TP53I13: variants seen among roughly 807,000 people sequenced by gnomAD.
TP53I13 encodes the protein tumor protein p53 inducible protein 13, also known as tumor protein p53-inducible protein 13.
In TP53I13, 27 loss-of-function variants were observed where a neutral mutation model predicts 39.1. The observed-to-expected ratio is 0.69, with a 90% CI of 0.51 to 0.95. TP53I13 has a LOEUF of 0.95. Ranked by LOEUF, TP53I13 falls within the 40% of genes least tolerant of loss-of-function variation. The probability of loss-of-function intolerance (pLI) is 0.00; values close to 1 mark genes in which losing one functional copy is unlikely to be tolerated. For synonymous variants in TP53I13, 230 were observed against 224.6 expected (o/e 1.02, Z -0.22); for missense variants, 544 against 520.4 (o/e 1.05, Z -0.44).
chr17:29,578,326 C>T, the TP53I13 span: 1 of 1,614,054 alleles, frequency 6.2e-7, no homozygotes, highest in Non-Finnish European at 8.5e-7. Context: ...CGATCCACCT[C>T]GTCATACACG....
In TP53I13 at chr17:29,572,131, C is replaced by T. The variant is rs1384575494; in HGVS notation, c.514-11C>T. On this transcript the variant is annotated splice_polypyrimidine_tract_variant and intron_variant, in intron 5 of 6. Coordinates refer to ENST00000301057, the MANE Select transcript of TP53I13 (RefSeq NM_138349.4). ...GGGCAGCAGGGTGATTGCTCTCTCT[C>T]CTCTCCTTAGGCCCTGGCTCTGGCC... 2.5e-6 allele frequency: 4 copies of T among 1,609,560 alleles called. No individual in the cohort carries two copies. Among genetic ancestry groups the T allele is most frequent in the Admixed American group, 1.7e-5 (1 of 59,948 alleles).
At chr17:29,568,695 G>C (rs1043992775), upstream of TP53I13, 8 of 1,132,624 alleles carry the variant, frequency 7.1e-6, no homozygotes, top group Middle Eastern at 1.9e-3. This position sits in a 1 kb window ranked among gnomAD's most constrained non-coding sequence, Gnocchi z 4.5. Flanking sequence ...TGGAGGGGCG[G>C]GGCGCGCGCG....
At chr17:29,579,172 C>T in the TP53I13 span, 1 of 611,376 alleles carries the variant, frequency 1.6e-6, no homozygotes, top group African/African-American at 1.8e-5. Context: ...CTTGCTCTTC[C>T]TCTCAGTGAC....
At chr17:29,578,703 T>C in the TP53I13 span, 1 of 1,600,778 alleles carries the variant, frequency 6.2e-7, no homozygotes, top group Non-Finnish European at 8.6e-7. Context: ...CAGCTTCAAG[T>C]GTCAGGGCAC....
chr17:29,577,999 C>T (rs903332484), downstream of TP53I13, among the ~76,000 whole-genome samples: 1 of 152,210 alleles, frequency 6.6e-6, no homozygotes, highest in African/African-American at 2.4e-5. Context: ...CCGGCTGTGG[C>T]CAGGAAGGAG....
At chr17:29,566,911 C>T, upstream of TP53I13, 1 of 1,488,108 alleles carries the variant, frequency 6.7e-7, no homozygotes, top group Middle Eastern at 2.3e-4. Context: ...GCCGAGCAGG[C>T]CGAGAAGGGC....
chr17:29,577,891 T>G (rs1408386127), downstream of TP53I13: 4 of 634,374 alleles, frequency 6.3e-6, no homozygotes, highest in Non-Finnish European at 1.1e-5. Flanking sequence ...CACGCAGAGC[T>G]AGGCCGGGCC....
At chr17:29,570,652 G>A (rs1438020781) in intron 3 of TP53I13, 2 of 151,728 alleles carry the variant, frequency 1.3e-5, no homozygotes, top group East Asian at 1.9e-4. Flanking sequence ...CCACCTTATC[G>A]TGGCCATATT....
rs935623542 is a variant in TP53I13, at chr17:29,572,900, C to T, written c.1158C>T (p.Gly386=). 2.7e-6 allele frequency: 4 copies of T among 1,509,330 alleles called. No individual in the cohort carries two copies. In the African/African-American group the frequency reaches 5.7e-5, roughly 22 times the overall value. The allele number at this position is 1,509,330 out of a possible 1,614,324, so 93.5% of individuals were successfully genotyped here. A position where few individuals can be genotyped will look rare whatever the true frequency, so the allele number is the denominator to read the frequency against. Residue 386 remains glycine (G), a synonymous_variant, in exon 7 of 7, where the codon GGC becomes GGT. Coordinates refer to ENST00000301057, the MANE Select transcript of TP53I13 (RefSeq NM_138349.4). ...TCCTCCCGCCCACGCCGGACAGCGGCCCGGAAGGCGAGAGCTCGGAGTGAC... is the reference window on the plus strand; with the variant it reads ...TCCTCCCGCCCACGCCGGACAGCGGTCCGGAAGGCGAGAGCTCGGAGTGAC... ...RPLLPPTPDS[G]PEGESSE
intron 3 of TP53I13, 108 bp from the exon 4 acceptor site, chr17:29,571,483 A>G: frequency 6.7e-7 from 1 of 1,491,164 alleles, no homozygotes; most frequent in Non-Finnish European, 9.0e-7. Context: ...TAGAAGAGCC[A>G]TCCAGCTATC....
At chr17:29,566,453 G>A, upstream of TP53I13, 1 of 1,612,386 alleles carries the variant, frequency 6.2e-7, no homozygotes, top group Non-Finnish European at 8.5e-7. Flanking sequence ...AGCACGTTGC[G>A]GGTGAGGCGA....
upstream of TP53I13, chr17:29,568,164 C>A (rs979346310): frequency 6.6e-6 from 1 of 152,210 alleles, no homozygotes; most frequent in Admixed American, 6.5e-5. The surrounding 1 kb of genome is among the most constrained non-coding windows in gnomAD (Gnocchi z 4.5). Context: ...CCGCGTTGGA[C>A]CCTATTTGCG....
the TP53I13 span, chr17:29,581,468 G>A: frequency 9.4e-7 from 1 of 1,065,272 alleles, no homozygotes; most frequent in South Asian, 1.3e-5. The surrounding 1 kb of genome is among the most constrained non-coding windows in gnomAD (Gnocchi z 4.8). Context: ...GAGCAGGGCT[G>A]GCACCCAGAA....
chr17:29,569,801 G>A (rs1276885914), intron 3 of TP53I13: 1 of 155,836 alleles, frequency 6.4e-6, no homozygotes, highest in Non-Finnish European at 1.4e-5. Flanking sequence ...GTACAGTACA[G>A]AGCTGCATCG....
At position 29,572,940 on chromosome 17, in the gene TP53I13, C is replaced by G. The variant is rs2033021816; in HGVS notation, c.*16C>G. On this transcript the variant is annotated 3_prime_UTR_variant, in exon 7 of 7. Transcript: ENST00000301057. ...CTCGGAGTGACGGCCTGGGACCTGCCACTGTGGCGTGCGGCTCCTCCCCGC... is the reference window on the plus strand; with the variant it reads ...CTCGGAGTGACGGCCTGGGACCTGCGACTGTGGCGTGCGGCTCCTCCCCGC... 7.0e-7 allele frequency: 1 copy of G among 1,431,232 alleles called. No individual in the cohort carries two copies. Among genetic ancestry groups the G allele is most frequent in the Admixed American group, 2.8e-5 (1 of 36,262 alleles). The allele number at this position is 1,431,232 out of a possible 1,614,324, so 88.7% of individuals were successfully genotyped here.
downstream of TP53I13, chr17:29,576,194 C>T (rs889888542): frequency 1.1e-5 from 17 of 1,608,570 alleles, no homozygotes; most frequent in African/African-American, 2.7e-5. Context: ...CATCTCCCCA[C>T]ACCTTGAGAC....
At chr17:29,575,544 G>A (rs536483025), downstream of TP53I13, 15 of 1,557,954 alleles carry the variant, frequency 9.6e-6, no homozygotes, top group African/African-American at 2.7e-5. This position sits in a 1 kb window ranked among gnomAD's most constrained non-coding sequence, Gnocchi z 5.5. Context: ...GGAGCCGCCC[G>A]CCTTGGTCCT....
the TP53I13 span, chr17:29,578,872 C>T: frequency 6.4e-7 from 1 of 1,556,960 alleles, no homozygotes; most frequent in South Asian, 1.1e-5. Context: ...TGCAGGGATC[C>T]CGGGGAGATG....
upstream of TP53I13, chr17:29,566,650 A>C (rs1463110551): frequency 6.2e-7 from 1 of 1,604,796 alleles, no homozygotes. Flanking sequence ...GAGGGTCTGC[A>C]GGTGGGGCCC....
Sources: allele counts gnomAD v4.1 joint callset (sites outside exome capture counted in the v4.1 genomes callset), GRCh38; gene constraint gnomAD v4.1.1; non-coding constraint Gnocchi (gnomAD v3.1); transcripts MANE v1.5; gene names NCBI Gene and HGNC (gene_info 2026-07-23, HGNC 2026-07-21).